FTO: variants seen among roughly 807,000 people sequenced by gnomAD.
The protein encoded by FTO is FTO alpha-ketoglutarate dependent dioxygenase.
FTO carries 47 observed loss-of-function variants against 63.9 expected under a neutral mutation model. That is an observed-to-expected ratio of 0.74 (90% CI 0.58 to 0.94). The LOEUF is 0.94. FTO is among the 40% of genes least tolerant of loss of function. FTO has a pLI of 0.00. For missense variants in FTO, 562 were observed against 618.1 expected (o/e 0.91, Z 0.96); for synonymous variants, 207 against 224.4 (o/e 0.92, Z 0.69).
At chr16:53,803,483 A>G (rs530759889) in intron 1 of FTO, among the ~76,000 whole-genome samples, 2 of 152,384 alleles carry the variant, frequency 1.3e-5, no homozygotes, top group South Asian at 2.1e-4. Context: ...TTGAGGGTCC[A>G]AGAGCAGTGG....
At chr16:53,977,996 A>G (rs1183041113) in intron 8 of FTO, among the ~76,000 whole-genome samples, 2 of 152,142 alleles carry the variant, frequency 1.3e-5, no homozygotes, top group African/African-American at 4.8e-5. Flanking sequence ...AGCAAGTACT[A>G]CAGGCATGCA....
intron 8 of FTO, among the ~76,000 whole-genome samples, chr16:54,097,070 A>G (rs1475939389): frequency 2.0e-5 from 3 of 152,188 alleles, no homozygotes; most frequent in Non-Finnish European, 4.4e-5. Flanking sequence ...TGAGGATCAC[A>G]TGGGATAATG....
intron 1 of FTO, among the ~76,000 whole-genome samples, chr16:53,766,522 T>C (rs1770211994): frequency 6.6e-6 from 1 of 152,112 alleles, no homozygotes; most frequent in South Asian, 2.1e-4. Flanking sequence ...TGCCCTGGCC[T>C]GAGCAACTAG....
At chr16:53,961,812 C>G (rs2083087503) in intron 8 of FTO, among the ~76,000 whole-genome samples, 1 of 152,202 alleles carries the variant, frequency 6.6e-6, no homozygotes. Flanking sequence ...GATTCAGTGA[C>G]AGATACTTGG....
chr16:54,097,472 C>G (rs1660861595), intron 8 of FTO, among the ~76,000 whole-genome samples: 1 of 152,134 alleles, frequency 6.6e-6, no homozygotes, highest in Non-Finnish European at 1.5e-5. Context: ...TCCCAAGTAG[C>G]TGGTACTACA....
At chr16:54,101,586 C>G (rs991908499) in intron 8 of FTO, among the ~76,000 whole-genome samples, 1 of 152,108 alleles carries the variant, frequency 6.6e-6, no homozygotes, top group Admixed American at 6.5e-5. Flanking sequence ...CAGGTTGATT[C>G]CATGTCTTTG....
chr16:53,991,341 C>A (rs185899418), intron 8 of FTO: 1 of 152,154 alleles, frequency 6.6e-6, no homozygotes, highest in African/African-American at 2.4e-5. Context: ...GGTGTCTGAC[C>A]TCACGGGGTT....
At position 53,793,992 on chromosome 16, in the gene FTO, C is replaced by A. The variant is rs193067407; in HGVS notation, c.46-16148C>A. ...ATTAAAAGTTACTCATCCTAACTAA[C>A]AATCAAATAAATGTAAATTAGAGCA... is the stretch of plus-strand genomic sequence containing the variant. On this transcript the variant is annotated intron_variant, in intron 1 of 8. Coordinates refer to ENST00000471389, the MANE Select transcript of FTO (RefSeq NM_001080432.3). Among the ~76,000 whole-genome samples the A allele has an allele frequency of 1.6e-3, 241 of 152,296 alleles. 1 individual carries two copies. Among genetic ancestry groups the A allele is most frequent in the Non-Finnish European group, 2.8e-3 (192 of 68,026 alleles).
At chr16:53,789,641 C>T (rs1484513941) in intron 1 of FTO, among the ~76,000 whole-genome samples, 2 of 151,858 alleles carry the variant, frequency 1.3e-5, no homozygotes, top group East Asian at 1.9e-4. Flanking sequence ...TGATGTTTTT[C>T]CCCCAGCCTT....
At chr16:53,781,226 A>G (rs1364329686) in intron 1 of FTO, among the ~76,000 whole-genome samples, 3 of 152,248 alleles carry the variant, frequency 2.0e-5, no homozygotes, top group Non-Finnish European at 4.4e-5. Context: ...CAGCTACTAA[A>G]TGCTAGTAGT....
At chr16:53,765,977 A>G (rs1478535854) in intron 1 of FTO, among the ~76,000 whole-genome samples, 5 of 152,182 alleles carry the variant, frequency 3.3e-5, no homozygotes, top group Admixed American at 1.3e-4. Flanking sequence ...TATAAAGATC[A>G]CTGTGGCTCT....
Position 53,818,652 on chromosome 16 carries a change from AT to A in FTO, c.124-7197del, listed in dbSNP as rs60422764. ...AAACTTTTGGCTATCTTTTTATCCA[AT>A]TTTTTTTTTTTTTTCTGTGAGCTTT... On this transcript the variant is annotated intron_variant, in intron 2 of 8. Coordinates refer to ENST00000471389, the MANE Select transcript of FTO (RefSeq NM_001080432.3). Among the ~76,000 whole-genome samples the A allele has an allele frequency of 0.017, 2,396 of 142,960 alleles. 144 individuals carry two copies. In the East Asian group the frequency reaches 0.23, roughly 14 times the overall value. 93.8% of individuals were successfully genotyped at this position (142,960 alleles called of 152,430 possible).
intron 8 of FTO, among the ~76,000 whole-genome samples, chr16:54,016,044 T>C (rs1280136509): frequency 6.6e-6 from 1 of 152,226 alleles, no homozygotes; most frequent in African/African-American, 2.4e-5. Flanking sequence ...CACATTCATG[T>C]GTTCCTTCAT....
Position 53,913,009 on chromosome 16 carries a change from A to G in FTO, c.1240-20976A>G, listed in dbSNP as rs1441852339. Reference sequence around the variant, plus strand: ...TCTGTGTGACTTATAATTATCTGAGAGCTGGGGGTTTTGTGGTAGATTTTC... The same window carrying G: ...TCTGTGTGACTTATAATTATCTGAGGGCTGGGGGTTTTGTGGTAGATTTTC... On this transcript the variant is annotated intron_variant, in intron 7 of 8. Transcript: ENST00000471389. Among the ~76,000 whole-genome samples the G allele has an allele frequency of 3.3e-5, 5 of 152,138 alleles. No homozygotes were observed. In the South Asian group the frequency reaches 1.0e-3, roughly 31 times the overall value.
intron 4 of FTO, among the ~76,000 whole-genome samples, chr16:53,851,345 G>C (rs2079789440): frequency 6.7e-6 from 1 of 149,200 alleles, no homozygotes; most frequent in African/African-American, 2.5e-5. Flanking sequence ...TGTAATCCCA[G>C]CTACTCGGGA....
intron 8 of FTO, among the ~76,000 whole-genome samples, chr16:53,972,148 CCTGTG>C (rs1200978933): frequency 2.0e-5 from 3 of 152,060 alleles, no homozygotes; most frequent in African/African-American, 7.2e-5. Flanking sequence ...AAATATTTAT[CCTGTG>C]CTGAAATGCT....
chr16:53,979,510 G>A (rs1327785928), intron 8 of FTO: 1 of 397,148 alleles, frequency 2.5e-6, no homozygotes, highest in Non-Finnish European at 4.4e-6. Flanking sequence ...TCACTACTGT[G>A]ATTGGATCTT....
intron 8 of FTO, among the ~76,000 whole-genome samples, chr16:54,109,040 C>G (rs1240149476): frequency 6.6e-6 from 1 of 152,200 alleles, no homozygotes; most frequent in Non-Finnish European, 1.5e-5. Flanking sequence ...TTCTAAATCA[C>G]AAAATATCAT....
chr16:53,817,211 G>A (rs1053756617), intron 2 of FTO, among the ~76,000 whole-genome samples: 3 of 152,136 alleles, frequency 2.0e-5, no homozygotes, highest in African/African-American at 2.4e-5. Flanking sequence ...ATGAATGAAC[G>A]AGGATCTCTG....
Sources: allele counts gnomAD v4.1 joint callset (sites outside exome capture counted in the v4.1 genomes callset), GRCh38; gene constraint gnomAD v4.1.1; transcripts MANE v1.5; gene names NCBI Gene and HGNC (gene_info 2026-07-23, HGNC 2026-07-21).